The following PRKX variants were observed in gnomAD, a reference collection of about 807,000 sequenced individuals.
PRKX encodes the protein cAMP-dependent protein kinase catalytic subunit PRKX.
In PRKX, 12 loss-of-function variants were observed where a neutral mutation model predicts 22.0. The ratio of observed to expected loss-of-function variants is 0.54; its 90% CI spans 0.35 to 0.88. The LOEUF is 0.88. PRKX is among the 40% of genes least tolerant of loss of function. The pLI, the probability that PRKX is intolerant of heterozygous loss-of-function variation, is 0.01. For missense variants in PRKX, 217 were observed against 308.0 expected, an observed-to-expected ratio of 0.70 and a Z score of 2.21; for synonymous variants, 134 against 137.7, an observed-to-expected ratio of 0.97 and a Z score of 0.19.
chrX:3,676,181 C>G (rs75998339), intron 1 of PRKX, among the ~76,000 whole-genome samples: 1 of 111,901 alleles, frequency 8.9e-6, no homozygotes, highest in African/African-American at 3.3e-5. Flanking sequence ...AGATGAGCAA[C>G]TAAAACAAAA....
chrX:3,669,682 T>C (rs1249125599), intron 2 of PRKX, among the ~76,000 whole-genome samples: 2 of 112,378 alleles, frequency 1.8e-5, no homozygotes, highest in Admixed American at 1.9e-4. Context: ...CAATATCATC[T>C]ATCATCTATA....
chrX:3,631,884 G>C (rs1466301523), intron 4 of PRKX, among the ~76,000 whole-genome samples: 1 of 112,777 alleles, frequency 8.9e-6, no homozygotes, highest in African/African-American at 3.2e-5. Context: ...CGGACTAAGA[G>C]AGGATAAAGT....
intron 1 of PRKX, among the ~76,000 whole-genome samples, chrX:3,690,448 T>C (rs73178159): frequency 1.9e-3 from 210 of 112,852 alleles, no homozygotes; most frequent in Non-Finnish European, 3.4e-3. Context: ...AAATACAAAA[T>C]GTGGCCGTGA....
intron 3 of PRKX, among the ~76,000 whole-genome samples, chrX:3,653,323 G>T (rs1196526399): frequency 5.5e-5 from 6 of 109,986 alleles, no homozygotes; most frequent in African/African-American, 2.0e-4. Flanking sequence ...TTCCCTCCAG[G>T]TACAGAATCT....
chrX:3,628,486 T>C (rs755988327), intron 4 of PRKX, among the ~76,000 whole-genome samples: 1 of 112,007 alleles, frequency 8.9e-6, no homozygotes, highest in South Asian at 3.7e-4. Flanking sequence ...TATCAAAGCA[T>C]CACTGTCTAC....
intron 1 of PRKX, among the ~76,000 whole-genome samples, chrX:3,690,604 C>T (rs1603474670): frequency 9.0e-6 from 1 of 111,435 alleles, no homozygotes; most frequent in African/African-American, 3.3e-5. Context: ...TGGTGGCATG[C>T]GACTATAGTC....
At chrX:3,646,522 T>C (rs1927191246) in intron 3 of PRKX, among the ~76,000 whole-genome samples, 1 of 111,589 alleles carries the variant, frequency 9.0e-6, no homozygotes, top group African/African-American at 3.3e-5. Context: ...AATGCATTTT[T>C]TCCCTTTTTA....
At chrX:3,622,428 T>C (rs990042141) in intron 5 of PRKX, among the ~76,000 whole-genome samples, 3 of 110,844 alleles carry the variant, frequency 2.7e-5, no homozygotes, top group African/African-American at 9.9e-5. Flanking sequence ...CGTCTAGGCT[T>C]TCCCAGCATA....
intron 3 of PRKX, among the ~76,000 whole-genome samples, chrX:3,645,627 G>A (rs1202374126): frequency 8.9e-6 from 1 of 112,616 alleles, no homozygotes; most frequent in Non-Finnish European, 1.9e-5. Context: ...CCACTCAATT[G>A]TGCACGGCAA....
chrX:3,672,551 C>T (rs1259257295), intron 2 of PRKX, among the ~76,000 whole-genome samples: 2 of 111,340 alleles, frequency 1.8e-5, no homozygotes, highest in Non-Finnish European at 3.8e-5. Flanking sequence ...CATGTCCATG[C>T]GGTTCTTCTG....
intron 3 of PRKX, among the ~76,000 whole-genome samples, chrX:3,646,109 GGTGA>G (rs1927182449): frequency 9.0e-6 from 1 of 111,312 alleles, no homozygotes; most frequent in Non-Finnish European, 1.9e-5. Context: ...TGGCCAAGAT[GGTGA>G]AACCCTGTCT....
chrX:3,622,513 C>T (rs1476758762), intron 5 of PRKX, among the ~76,000 whole-genome samples: 1 of 110,682 alleles, frequency 9.0e-6, no homozygotes, highest in Non-Finnish European at 1.9e-5. Flanking sequence ...GTGGAGTCTC[C>T]GACAAGCCAG....
At chrX:3,679,693 A>C in intron 1 of PRKX, among the ~76,000 whole-genome samples, 1 of 112,082 alleles carries the variant, frequency 8.9e-6, no homozygotes, top group East Asian at 2.8e-4. Context: ...AAGGACATGC[A>C]CCCATTCTCA....
intron 7 of PRKX, among the ~76,000 whole-genome samples, chrX:3,613,498 T>C (rs1298146603): frequency 1.8e-5 from 2 of 109,927 alleles, no homozygotes; most frequent in African/African-American, 6.6e-5. Context: ...CAAATTGTTT[T>C]TTTAATGCAA....
chrX:3,688,660 C>G (rs141864741), intron 1 of PRKX, among the ~76,000 whole-genome samples: 2,121 of 109,586 alleles, frequency 0.019, 66 homozygotes, highest in African/African-American at 0.065. Flanking sequence ...CCCAGGAGAT[C>G]GAGACTAGCC....
At chrX:3,700,677 C>G (rs780791156) in intron 1 of PRKX, among the ~76,000 whole-genome samples, 11 of 111,260 alleles carry the variant, frequency 9.9e-5, no homozygotes, top group Non-Finnish European at 1.9e-4. Context: ...CTCTTGGGCT[C>G]AAGTGATCCT....
At chrX:3,673,637 A>G (rs1480661606) in intron 2 of PRKX, among the ~76,000 whole-genome samples, 1 of 110,730 alleles carries the variant, frequency 9.0e-6, no homozygotes, top group Non-Finnish European at 1.9e-5. Flanking sequence ...GGCGGAGGGA[A>G]GACGTGGGAA....
intron 2 of PRKX, among the ~76,000 whole-genome samples, chrX:3,662,694 C>CAAAAAAAAAA (rs55726241): frequency 2.3e-5 from 1 of 44,270 alleles, no homozygotes; most frequent in Non-Finnish European, 3.8e-5. Flanking sequence ...GACTCCATCT[C>CAAAAAAAAAA]AAAAAAAAAA....
chrX:3,656,094 T>G (rs1456034124), intron 2 of PRKX, among the ~76,000 whole-genome samples: 1 of 111,954 alleles, frequency 8.9e-6, no homozygotes, highest in African/African-American at 3.3e-5. Flanking sequence ...TATGTAGGTA[T>G]AGATGTTAGG....
Sources: gnomAD v4.1 joint callset for allele counts (sites outside exome capture counted in the v4.1 genomes callset) on GRCh38, gnomAD v4.1.1 for gene constraint, MANE v1.5 for transcripts, NCBI Gene and HGNC (gene_info 2026-07-23, HGNC 2026-07-21) for gene names.